CNTNAP5: variants seen among roughly 807,000 people sequenced by gnomAD.
CNTNAP5 encodes the protein contactin-associated protein-like 5.
In CNTNAP5, 72 loss-of-function variants were observed where a neutral mutation model predicts 150.2. That is an observed-to-expected ratio of 0.48 (90% CI 0.40 to 0.58). The LOEUF (loss-of-function observed/expected upper bound fraction) is 0.58. CNTNAP5 is among the 20% of genes least tolerant of loss of function. The pLI is 0.00. For synonymous variants in CNTNAP5, 672 were observed against 619.8 expected (o/e 1.08, Z -1.25); for missense variants, 1,636 against 1,626.2 (o/e 1.01, Z -0.10).
chr2:124,636,203 G>C (rs1173245540), intron 12 of CNTNAP5, among the ~76,000 whole-genome samples: 1 of 152,154 alleles, frequency 6.6e-6, no homozygotes, highest in Non-Finnish European at 1.5e-5. Flanking sequence ...TGACTTAGTT[G>C]AGTTACCCAG....
chr2:124,565,071 C>T (rs17392176), intron 11 of CNTNAP5, among the ~76,000 whole-genome samples: 37,123 of 151,936 alleles, frequency 0.24, 5,000 homozygotes, highest in Middle Eastern at 0.31. Context: ...GGATAAGTAA[C>T]GTTGATATTC....
intron 1 of CNTNAP5, among the ~76,000 whole-genome samples, chr2:124,211,246 G>A (rs74707511): frequency 0.024 from 3,719 of 152,244 alleles, 64 homozygotes; most frequent in Middle Eastern, 0.037. Context: ...ACAGTAGTTG[G>A]AACTGGAGAT....
At chr2:124,375,769 T>C (rs1464500645) in intron 3 of CNTNAP5, among the ~76,000 whole-genome samples, 1 of 152,092 alleles carries the variant, frequency 6.6e-6, no homozygotes, top group Non-Finnish European at 1.5e-5. Context: ...TTTTTGTGTG[T>C]CTAAAATTAT....
At chr2:124,435,128 G>GA (rs1692496226) in intron 5 of CNTNAP5, among the ~76,000 whole-genome samples, 1 of 152,126 alleles carries the variant, frequency 6.6e-6, no homozygotes, top group Non-Finnish European at 1.5e-5. Flanking sequence ...TGTGTGAGGT[G>GA]AAAAATCTAA....
At position 124,660,957 on chromosome 2, in the gene CNTNAP5, A is replaced by G. The variant is rs555442927; in HGVS notation, c.2077+12999A>G. ...AGACTGGGTCTCAAAAAAAAAAAAA[A>G]AAAAAGAAAAAGAAAAAAAAATTTA... On this transcript the variant is annotated intron_variant, in intron 13 of 23. Coordinates refer to ENST00000682447, the MANE Select transcript of CNTNAP5 (RefSeq NM_001367498.1). Among the ~76,000 whole-genome samples the G allele has an allele frequency of 3.8e-3, 579 of 151,264 alleles. 8 individuals are homozygous for G. The highest frequency in any genetic ancestry group is 6.8e-3 in the Middle Eastern group (2 of 292).
At chr2:124,728,488 G>A (rs1680205954) in intron 13 of CNTNAP5, among the ~76,000 whole-genome samples, 1 of 151,922 alleles carries the variant, frequency 6.6e-6, no homozygotes, top group African/African-American at 2.4e-5. Context: ...CAGATTTATT[G>A]ATCATGTTCT....
rs146825668 is a variant in CNTNAP5, at chr2:124,614,803, C to T, written c.1876+4883C>T. 2.9e-3 allele frequency among the ~76,000 whole-genome samples: 440 copies of T among 152,228 alleles called. 2 individuals carry two copies. Among genetic ancestry groups the T allele is most frequent in the African/African-American group, 1.0e-2 (414 of 41,524 alleles). ...AGTATCTTGTGCCACCCTCCTATCA[C>T]ATCCTGTGACTAAGAATGCCTTAAC... On this transcript the variant is annotated intron_variant, in intron 12 of 23. Coordinates refer to ENST00000682447, the MANE Select transcript of CNTNAP5 (RefSeq NM_001367498.1).
rs890387469 is a variant in CNTNAP5, at chr2:124,564,597, G to A, written c.1756+1274G>A. Among the ~76,000 whole-genome samples, 18 of 152,068 alleles carry A rather than the reference G, an allele frequency of 1.2e-4. 1 individual carries two copies. In the South Asian group the frequency reaches 1.5e-3, roughly 12 times the overall value. On this transcript the variant is annotated intron_variant, in intron 11 of 23. Transcript: ENST00000682447. ...CCTCGAACTCCTGACCTCGTGTTCC[G>A]CCTGCCTCAGCCTCCCAAAGCACTG...
intron 1 of CNTNAP5, among the ~76,000 whole-genome samples, chr2:124,107,784 C>A (rs1159733330): frequency 2.0e-5 from 3 of 152,192 alleles, no homozygotes; most frequent in African/African-American, 7.2e-5. Context: ...ATGACACAGC[C>A]TCAGGAAGCC....
At chr2:124,838,494 A>C in intron 19 of CNTNAP5, among the ~76,000 whole-genome samples, 1 of 152,272 alleles carries the variant, frequency 6.6e-6, no homozygotes, top group South Asian at 2.1e-4. Flanking sequence ...GAAAGAACAT[A>C]GTTTTTATTA....
chr2:124,418,478 C>G (rs977110695), intron 4 of CNTNAP5, among the ~76,000 whole-genome samples: 1 of 152,150 alleles, frequency 6.6e-6, no homozygotes, highest in African/African-American at 2.4e-5. Flanking sequence ...TCCCTCACCC[C>G]ATCCCATACA....
Position 124,656,676 on chromosome 2 carries a change from G to A in CNTNAP5, c.2077+8718G>A, listed in dbSNP as rs547457482. ...TATATCTGACCACAATTGAGTTGCT[G>A]TTCAGACCATGAATTATTTAAATAA... On this transcript the variant is annotated intron_variant, in intron 13 of 23. Transcript: ENST00000682447. 4.6e-5 allele frequency among the ~76,000 whole-genome samples: 7 copies of A among 152,248 alleles called. No homozygotes were observed. The East Asian group carries it at 1.4e-3, about 29-fold the overall frequency.
At chr2:124,129,408 G>A (rs1318778955) in intron 1 of CNTNAP5, among the ~76,000 whole-genome samples, 1 of 152,116 alleles carries the variant, frequency 6.6e-6, no homozygotes, top group African/African-American at 2.4e-5. Flanking sequence ...GCTAAGAACT[G>A]TGTGGCCAAG....
At chr2:124,818,512 A>T (rs939429173) in intron 19 of CNTNAP5, among the ~76,000 whole-genome samples, 15 of 152,086 alleles carry the variant, frequency 9.9e-5, no homozygotes, top group African/African-American at 3.6e-4. Flanking sequence ...ATTCTGGACA[A>T]CAGTATGAGA....
chr2:124,574,673 C>G (rs1006413718), intron 11 of CNTNAP5, among the ~76,000 whole-genome samples: 3 of 152,088 alleles, frequency 2.0e-5, no homozygotes, highest in South Asian at 2.1e-4. Flanking sequence ...GAGTAGTGAG[C>G]AATAATAAAA....
chr2:124,649,003 CGTT>C (rs904938302), intron 13 of CNTNAP5, among the ~76,000 whole-genome samples: 1 of 152,146 alleles, frequency 6.6e-6, no homozygotes, highest in Non-Finnish European at 1.5e-5. Flanking sequence ...TCAGGGAAGA[CGTT>C]GTTCCACGTA....
At chr2:124,546,876 C>T (rs1480714572) in intron 10 of CNTNAP5, among the ~76,000 whole-genome samples, 1 of 152,110 alleles carries the variant, frequency 6.6e-6, no homozygotes, top group Non-Finnish European at 1.5e-5. Context: ...TGATACTTGT[C>T]TTACAAGATT....
intron 19 of CNTNAP5, among the ~76,000 whole-genome samples, chr2:124,803,445 T>C (rs1030643684): frequency 6.6e-6 from 1 of 152,336 alleles, no homozygotes; most frequent in African/African-American, 2.4e-5. Context: ...ATCATCTTCT[T>C]TGTTGATAGA....
chr2:124,346,324 G>T (rs1558860655), intron 3 of CNTNAP5, among the ~76,000 whole-genome samples: 1 of 152,130 alleles, frequency 6.6e-6, no homozygotes, highest in Non-Finnish European at 1.5e-5. Context: ...GACTGTTATG[G>T]CTTACTCTGG....
Sources: gnomAD v4.1 joint callset for allele counts (sites outside exome capture counted in the v4.1 genomes callset) on GRCh38, gnomAD v4.1.1 for gene constraint, MANE v1.5 for transcripts, NCBI Gene and HGNC (gene_info 2026-07-23, HGNC 2026-07-21) for gene names.